The following OSBPL5 variants were observed in gnomAD, a reference collection of about 807,000 sequenced individuals.
The protein encoded by OSBPL5 is oxysterol-binding protein-related protein 5.
OSBPL5 carries 71 observed loss-of-function variants against 111.2 expected under a neutral mutation model. That is an observed-to-expected ratio of 0.64 (90% CI 0.53 to 0.78). OSBPL5 has a LOEUF of 0.78. OSBPL5 is among the 30% of genes least tolerant of loss of function. The probability of loss-of-function intolerance (pLI) is 0.00; values close to 1 mark genes in which losing one functional copy is unlikely to be tolerated. For missense variants in OSBPL5, 1,210 were observed against 1,189.3 expected (o/e 1.02, Z -0.26); for synonymous variants, 549 against 513.9 (o/e 1.07, Z -0.93).
chr11:3,116,828 C>A (rs1858226740), intron 7 of OSBPL5, among the ~76,000 whole-genome samples: 1 of 129,652 alleles, frequency 7.7e-6, no homozygotes, highest in Admixed American at 8.9e-5. Flanking sequence ...GCACTCCAGT[C>A]TGGGCAACAG....
At position 3,142,894 on chromosome 11, in the gene OSBPL5, A is replaced by G. The variant is rs1846172452; in HGVS notation, c.-21-13725T>C. On this transcript the variant is annotated intron_variant, in intron 1 of 21. Coordinates refer to ENST00000263650, the MANE Select transcript of OSBPL5 (RefSeq NM_020896.4). The surrounding 1 kb of genome is among the most constrained non-coding windows in gnomAD (Gnocchi z 7.1). ...AGGAAAAGGACAAAACCAGTCACCCAGGACAGCGGACGGCACACGGGGTGG... is the reference window on the plus strand; with the variant it reads ...AGGAAAAGGACAAAACCAGTCACCCGGGACAGCGGACGGCACACGGGGTGG... Among the ~76,000 whole-genome samples the G allele has an allele frequency of 6.6e-6, 1 of 151,506 alleles. No homozygotes were observed. Among genetic ancestry groups the G allele is most frequent in the Admixed American group, 6.6e-5 (1 of 15,212 alleles).
rs541908868 is a variant in OSBPL5, at chr11:3,147,761, G to T, written c.-22+17455C>A. Among the ~76,000 whole-genome samples the T allele has an allele frequency of 4.7e-4, 72 of 152,350 alleles. 1 individual carries two copies. The South Asian group carries it at 0.014, about 30-fold the overall frequency. Reference sequence around the variant, plus strand: ...GGGTGCGTCGGGGCAGGGAAGGCCGGGCGTGGCCCTAGACAGGGCACAGGG... The same window carrying T: ...GGGTGCGTCGGGGCAGGGAAGGCCGTGCGTGGCCCTAGACAGGGCACAGGG... On this transcript the variant is annotated intron_variant, in intron 1 of 21. Transcript: ENST00000263650.
chr11:3,099,534 AAAAG>A (rs1857384124), intron 14 of OSBPL5, among the ~76,000 whole-genome samples: 1 of 152,220 alleles, frequency 6.6e-6, no homozygotes. Flanking sequence ...ACTACTGTAA[AAAAG>A]AAAGTCTGTT....
In OSBPL5 at chr11:3,093,957, C is replaced by A. The variant is rs566901452; in HGVS notation, c.1720-122G>T. The A allele has an allele frequency of 2.4e-6, 3 of 1,236,836 alleles. No homozygotes were observed. In the Admixed American group the frequency reaches 6.6e-5, roughly 27 times the overall value. The allele number at this position is 1,236,836 out of a possible 1,614,324, so 76.6% of individuals were successfully genotyped here. On this transcript the variant is annotated intron_variant, in intron 15 of 21. Transcript: ENST00000263650. ...TGCCTGGGAGCCCAGGAGGGATGGA[C>A]CCAACCCTCGCCAACGAGGCCTTCG...
chr11:3,093,895 A>T, intron 15 of OSBPL5, 60 bp from the exon 16 acceptor site: 2 of 1,544,756 alleles, frequency 1.3e-6, no homozygotes, highest in Non-Finnish European at 1.7e-6. Context: ...CCAGAATCAC[A>T]TCCTCATGGG....
chr11:3,147,491 T>C (rs1846395368), intron 1 of OSBPL5, among the ~76,000 whole-genome samples: 1 of 152,262 alleles, frequency 6.6e-6, no homozygotes, highest in Admixed American at 6.5e-5. Context: ...AGCCCTGCTA[T>C]GGGCACATAG....
intron 3 of OSBPL5, 54 bp from the exon 4 acceptor site, chr11:3,122,482 A>G (rs1858456942): frequency 6.4e-7 from 1 of 1,557,936 alleles, no homozygotes; most frequent in African/African-American, 1.4e-5. Flanking sequence ...GCCCAGGGCT[A>G]GGAGCCCAGG....
At chr11:3,108,778 T>C (rs1249348150) in intron 7 of OSBPL5, among the ~76,000 whole-genome samples, 2 of 152,224 alleles carry the variant, frequency 1.3e-5, no homozygotes, top group Admixed American at 6.5e-5. Context: ...TTTTTGTTTG[T>C]TTGTTTTGAG....
chr11:3,103,898 C>A (rs560125521), intron 10 of OSBPL5, among the ~76,000 whole-genome samples: 49 of 103,420 alleles, frequency 4.7e-4, no homozygotes, highest in South Asian at 1.6e-3. Flanking sequence ...ATTCCTGCCT[C>A]TGCAGCCCCC....
chr11:3,150,623 T>A (rs1047795617), intron 1 of OSBPL5, among the ~76,000 whole-genome samples: 2 of 152,102 alleles, frequency 1.3e-5, no homozygotes, highest in Non-Finnish European at 2.9e-5. Context: ...TGGAGAAACA[T>A]GCCTCTGGGG....
intron 1 of OSBPL5, among the ~76,000 whole-genome samples, chr11:3,138,528 G>A (rs1289495846): frequency 6.6e-6 from 1 of 152,228 alleles, no homozygotes; most frequent in African/African-American, 2.4e-5. Flanking sequence ...AACCCGCCAC[G>A]CTGAGCCTCA....
In OSBPL5 at chr11:3,104,186, C is replaced by G; in HGVS notation, c.1244+7G>C. 1 of 1,596,932 alleles carries G rather than the reference C, an allele frequency of 6.3e-7. No homozygotes were observed. Among genetic ancestry groups the G allele is most frequent in the South Asian group, 1.1e-5 (1 of 90,386 alleles). ...GTGTGGGGTGCCCCTCCCGGCATGG[C>G]GCGCACCTGGAGAGCAGGTCTGCGT... On this transcript the variant is annotated splice_region_variant and intron_variant, in intron 10 of 21. Coordinates refer to ENST00000263650, the MANE Select transcript of OSBPL5 (RefSeq NM_020896.4). The surrounding 1 kb of genome is among the most constrained non-coding windows in gnomAD (Gnocchi z 5.0).
At chr11:3,129,971 G>A (rs1370844252) in intron 1 of OSBPL5, among the ~76,000 whole-genome samples, 1 of 152,206 alleles carries the variant, frequency 6.6e-6, no homozygotes, top group Non-Finnish European at 1.5e-5. Context: ...GTTCAGAAGC[G>A]AGTTTCTTGT....
chr11:3,104,422 G>A lies in OSBPL5; in HGVS notation c.1060-45C>T. ...GTCAGGCCCTGCCCGGAAGAGCCGG[G>A]AGGAAGGGGTGGCGGGACAGTGGCA... On this transcript the variant is annotated intron_variant, in intron 9 of 21. Transcript: ENST00000263650. This position sits in a 1 kb window ranked among gnomAD's most constrained non-coding sequence, Gnocchi z 5.0. 6.3e-7 allele frequency: 1 copy of A among 1,589,390 alleles called. No homozygotes were observed. The highest frequency in any genetic ancestry group is 8.5e-7 in the Non-Finnish European group (1 of 1,174,884).
chr11:3,154,384 T>C lies in OSBPL5; in HGVS notation c.-22+10832A>G, dbSNP rs1163121607. Among the ~76,000 whole-genome samples the C allele has an allele frequency of 1.3e-5, 2 of 152,204 alleles. No homozygotes were observed. The highest frequency in any genetic ancestry group is 1.3e-4 in the Admixed American group (2 of 15,286). ...CGGTGGGACAGAGTGGCTGACGGCGTGTGGCACAGGCGGGGTGAGCCCGGA... is the reference window on the plus strand; with the variant it reads ...CGGTGGGACAGAGTGGCTGACGGCGCGTGGCACAGGCGGGGTGAGCCCGGA... On this transcript the variant is annotated intron_variant, in intron 1 of 21. Transcript: ENST00000263650. The surrounding 1 kb of genome is among the most constrained non-coding windows in gnomAD (Gnocchi z 4.9).
intron 2 of OSBPL5, among the ~76,000 whole-genome samples, chr11:3,127,139 T>C (rs779180466): frequency 3.3e-5 from 5 of 152,144 alleles, no homozygotes; most frequent in Non-Finnish European, 7.4e-5. Context: ...TTGGTGCCAG[T>C]TTCCCAAGGT....
Position 3,103,828 on chromosome 11 carries a change from C to A in OSBPL5, c.1244+365G>T, listed in dbSNP as rs1252671995. ...GCCCTCTTCCTGCCTGCGCAGCCCC[C>A]TTCCAGCCTCTGCAGCCCCTTTCCA... On this transcript the variant is annotated intron_variant, in intron 10 of 21. Coordinates refer to ENST00000263650, the MANE Select transcript of OSBPL5 (RefSeq NM_020896.4). 7.1e-3 allele frequency among the ~76,000 whole-genome samples: 469 copies of A among 66,276 alleles called. 16 individuals are homozygous for A. The highest frequency in any genetic ancestry group is 0.024 in the Middle Eastern group (3 of 126). The allele number at this position is 66,276 out of a possible 152,430, so 43.5% of individuals were successfully genotyped here.
intron 11 of OSBPL5, 139 bp from the exon 12 acceptor site, chr11:3,102,420 G>C: frequency 1.4e-6 from 1 of 723,976 alleles, no homozygotes. Flanking sequence ...TAGCATCTGG[G>C]AACAACACCT....
rs1028586736 is a variant in OSBPL5 at position 3,130,849 on chromosome 11, T to C, written c.-21-1680A>G. 6.6e-6 allele frequency among the ~76,000 whole-genome samples: 1 copy of C among 152,108 alleles called. No individual in the cohort carries two copies. Among genetic ancestry groups the C allele is most frequent in the Non-Finnish European group, 1.5e-5 (1 of 68,020 alleles). Reference sequence around the variant, plus strand: ...CTTGTCAATCACAACAAACACGTCCTACTTGCCCAGGTGCAGCTCAGGATG... The same window carrying C: ...CTTGTCAATCACAACAAACACGTCCCACTTGCCCAGGTGCAGCTCAGGATG... On this transcript the variant is annotated intron_variant, in intron 1 of 21. Transcript: ENST00000263650. This position sits in a 1 kb window ranked among gnomAD's most constrained non-coding sequence, Gnocchi z 4.5.
Sources: allele counts gnomAD v4.1 joint callset (sites outside exome capture counted in the v4.1 genomes callset), GRCh38; gene constraint gnomAD v4.1.1; non-coding constraint Gnocchi (gnomAD v3.1); transcripts MANE v1.5; gene names NCBI Gene and HGNC (gene_info 2026-07-23, HGNC 2026-07-21).